The following KIF16B variants were observed in gnomAD, a reference collection of about 807,000 sequenced individuals.
KIF16B encodes kinesin-like protein KIF16B.
A neutral mutation model predicts 156.3 loss-of-function variants in KIF16B; 98 were observed. The observed-to-expected ratio is 0.63, with a 90% CI of 0.53 to 0.74. The LOEUF (loss-of-function observed/expected upper bound fraction) is 0.74, where lower values mean the gene tolerates loss of function less well. KIF16B is among the 30% of genes least tolerant of loss of function. The probability of loss-of-function intolerance (pLI) is 0.00; values close to 1 mark genes in which losing one functional copy is unlikely to be tolerated. For synonymous variants in KIF16B, 564 were observed against 583.7 expected (o/e 0.97, Z 0.49); for missense variants, 1,421 against 1,606.5 (o/e 0.88, Z 1.97).
chr20:16,485,644 G>A (rs532209671), intron 12 of KIF16B, among the ~76,000 whole-genome samples: 1 of 152,260 alleles, frequency 6.6e-6, no homozygotes, highest in East Asian at 1.9e-4. Flanking sequence ...AACAACTTCT[G>A]CAGTAATGTA....
chr20:16,433,596 C>G (rs1043081961), intron 12 of KIF16B, among the ~76,000 whole-genome samples: 2 of 151,630 alleles, frequency 1.3e-5, no homozygotes, highest in Non-Finnish European at 2.9e-5. Flanking sequence ...CACACACACA[C>G]ACAGAGACAC....
At chr20:16,328,544 G>A (rs148517051) in intron 24 of KIF16B, among the ~76,000 whole-genome samples, 20 of 152,252 alleles carry the variant, frequency 1.3e-4, no homozygotes, top group Non-Finnish European at 2.8e-4. Context: ...GAATCATTTA[G>A]CCAAGAATAT....
intron 12 of KIF16B, among the ~76,000 whole-genome samples, chr20:16,455,980 T>G (rs79657535): frequency 1.7e-3 from 265 of 152,290 alleles, no homozygotes; most frequent in Non-Finnish European, 2.8e-3. Context: ...CAACCTGTCC[T>G]TGACAACACC....
rs80038231 is a variant in KIF16B at position 16,273,883 on chromosome 20, A to C, written c.3796-472T>G. Reference sequence around the variant, plus strand: ...GGAGTCACAAAATACATATGCACAGAAGAAATATCTTTGGCTCAGCACTGA... The same window carrying C: ...GGAGTCACAAAATACATATGCACAGCAGAAATATCTTTGGCTCAGCACTGA... On this transcript the variant is annotated intron_variant, in intron 25 of 25. Coordinates refer to ENST00000354981, the MANE Select transcript of KIF16B (RefSeq NM_024704.5). Among the ~76,000 whole-genome samples, 429 of 152,266 alleles carry C rather than the reference A, an allele frequency of 2.8e-3. 1 individual carries two copies. Among genetic ancestry groups the C allele is most frequent in the African/African-American group, 9.7e-3 (401 of 41,532 alleles).
At chr20:16,397,228 C>G (rs2065529085) in intron 17 of KIF16B, among the ~76,000 whole-genome samples, 1 of 152,190 alleles carries the variant, frequency 6.6e-6, no homozygotes, top group East Asian at 1.9e-4. Flanking sequence ...AAAATTATCT[C>G]CTGGCAAAGA....
intron 21 of KIF16B, 116 bp downstream of exon 21, chr20:16,371,549 C>T: frequency 3.2e-6 from 2 of 617,098 alleles, no homozygotes; most frequent in Non-Finnish European, 5.6e-6. Context: ...AAGATGGTGC[C>T]ACTGCACTCC....
chr20:16,512,154 A>G (rs1313970571), intron 5 of KIF16B, among the ~76,000 whole-genome samples: 2 of 152,152 alleles, frequency 1.3e-5, no homozygotes, highest in African/African-American at 4.8e-5. Flanking sequence ...CTCCAAAAAA[A>G]AAAAGGAAGG....
intron 12 of KIF16B, among the ~76,000 whole-genome samples, chr20:16,488,840 G>A (rs1407380757): frequency 6.6e-6 from 1 of 152,186 alleles, no homozygotes; most frequent in Non-Finnish European, 1.5e-5. Context: ...TTCTAACAAA[G>A]AGACCAGAAA....
At chr20:16,448,516 A>G (rs956791380) in intron 12 of KIF16B, among the ~76,000 whole-genome samples, 3 of 152,192 alleles carry the variant, frequency 2.0e-5, no homozygotes. Flanking sequence ...AGTGTCAGAG[A>G]ACAAAGAAAA....
intron 4 of KIF16B, among the ~76,000 whole-genome samples, chr20:16,515,216 A>G (rs2069106095): frequency 6.6e-6 from 1 of 152,188 alleles, no homozygotes. Flanking sequence ...AACAGACTTC[A>G]GTAATTTTAT....
intron 25 of KIF16B, among the ~76,000 whole-genome samples, chr20:16,306,364 G>T (rs1234087831): frequency 6.6e-6 from 1 of 152,114 alleles, no homozygotes; most frequent in Non-Finnish European, 1.5e-5. Flanking sequence ...CATGCCAAGA[G>T]AACTAAGTAG....
chr20:16,344,831 TAG>T (rs1261549587), intron 23 of KIF16B, among the ~76,000 whole-genome samples: 1 of 152,216 alleles, frequency 6.6e-6, no homozygotes, highest in Non-Finnish European at 1.5e-5. Context: ...CTGAGATGAT[TAG>T]AGTCACCTAA....
rs1160347564 is a variant in KIF16B at position 16,352,487 on chromosome 20, CAGGGGTCAGA to C, written c.3621+3833_3621+3842del. On this transcript the variant is annotated intron_variant, in intron 23 of 25. Coordinates refer to ENST00000354981, the MANE Select transcript of KIF16B (RefSeq NM_024704.5). Reference sequence around the variant, plus strand: ...TGGTGGAAACCTCCTCATGGCCCAGCAGGGGTCAGAAGATGAGCATCTGGGAACCCCCGTT... The same window carrying C: ...TGGTGGAAACCTCCTCATGGCCCAGCAGATGAGCATCTGGGAACCCCCGTT... Among the ~76,000 whole-genome samples, 5 of 152,178 alleles carry C rather than the reference CAGGGGTCAGA, an allele frequency of 3.3e-5. No homozygotes were observed. In the South Asian group the frequency reaches 8.3e-4, roughly 25 times the overall value.
At chr20:16,373,536 A>G (rs1275735177) in intron 20 of KIF16B, among the ~76,000 whole-genome samples, 1 of 152,226 alleles carries the variant, frequency 6.6e-6, no homozygotes, top group Non-Finnish European at 1.5e-5. Flanking sequence ...AAGTAACATC[A>G]GATACAGATT....
chr20:16,325,907 G>A (rs1257529058), intron 24 of KIF16B, among the ~76,000 whole-genome samples: 1 of 152,042 alleles, frequency 6.6e-6, no homozygotes, highest in Non-Finnish European at 1.5e-5. Flanking sequence ...TATACTATAA[G>A]GCTACAGTCA....
intron 1 of KIF16B, among the ~76,000 whole-genome samples, chr20:16,558,674 G>A (rs931759338): frequency 4.6e-5 from 7 of 152,340 alleles, no homozygotes; most frequent in African/African-American, 1.2e-4. Context: ...AGGCCAAGGC[G>A]GGAGGATTCA....
chr20:16,373,333 T>G (rs899298198), intron 20 of KIF16B, among the ~76,000 whole-genome samples: 1 of 152,240 alleles, frequency 6.6e-6, no homozygotes, highest in Non-Finnish European at 1.5e-5. Flanking sequence ...GAGTACATTT[T>G]GATATCCAAA....
At chr20:16,467,719 GA>G (rs35313223) in intron 12 of KIF16B, among the ~76,000 whole-genome samples, 53 of 148,018 alleles carry the variant, frequency 3.6e-4, no homozygotes, top group South Asian at 1.9e-3. Flanking sequence ...TAATAGGGGG[GA>G]AAAAAAAAAC....
chr20:16,444,553 G>T (rs986463254), intron 12 of KIF16B, among the ~76,000 whole-genome samples: 1 of 152,120 alleles, frequency 6.6e-6, no homozygotes, highest in Non-Finnish European at 1.5e-5. Context: ...CAGGTGGCGC[G>T]GGCCAAGAAG....
Sources: gnomAD v4.1 joint callset for allele counts (sites outside exome capture counted in the v4.1 genomes callset) on GRCh38, gnomAD v4.1.1 for gene constraint, MANE v1.5 for transcripts, NCBI Gene and HGNC (gene_info 2026-07-23, HGNC 2026-07-21) for gene names.